The following SLC39A12 variants were observed in gnomAD, a reference collection of about 807,000 sequenced individuals.
SLC39A12 encodes the protein solute carrier family 39 member 12, also known as zinc transporter ZIP12.
A neutral mutation model predicts 71.1 loss-of-function variants in SLC39A12; 63 were observed. That is an observed-to-expected ratio of 0.89 (90% CI 0.72 to 1.09). SLC39A12 has a LOEUF of 1.09. Ranked by LOEUF, SLC39A12 falls within the 50% of genes least tolerant of loss-of-function variation. The pLI, the probability that SLC39A12 is intolerant of heterozygous loss-of-function variation, is 0.00. For missense variants in SLC39A12, 892 were observed against 812.6 expected (o/e 1.10, Z -1.19); for synonymous variants, 351 against 301.3 (o/e 1.16, Z -1.71).
chr10:18,036,422 C>T (rs1206109167), intron 12 of SLC39A12, among the ~76,000 whole-genome samples: 1 of 152,074 alleles, frequency 6.6e-6, no homozygotes, highest in Non-Finnish European at 1.5e-5. Flanking sequence ...CCAGGTGCGT[C>T]CGTCACCCCT....
Position 17,974,968 on chromosome 10 carries a change from G to A in SLC39A12, c.752-2934G>A, listed in dbSNP as rs145115758. Among the ~76,000 whole-genome samples the A allele has an allele frequency of 5.5e-3, 832 of 152,286 alleles. 2 individuals carry two copies. Among genetic ancestry groups the A allele is most frequent in the South Asian group, 0.017 (81 of 4,824 alleles). On this transcript the variant is annotated intron_variant, in intron 4 of 12. Coordinates refer to ENST00000377369, the MANE Select transcript of SLC39A12 (RefSeq NM_001145195.2). ...CCGTATTGCAGCTGAATTGGCACTC[G>A]AATCACAAGACGTAGTCCTTCTCAC...
chr10:17,953,141 C>T (rs1834446651), intron 1 of SLC39A12, 50 bp from the exon 2 acceptor site: 1 of 1,124,482 alleles, frequency 8.9e-7, no homozygotes, highest in Non-Finnish European at 1.3e-6. Context: ...TCCTTTCAAA[C>T]ATGTTGCAGG....
chr10:17,986,208 A>G (rs1041239305), intron 6 of SLC39A12, among the ~76,000 whole-genome samples: 4 of 152,228 alleles, frequency 2.6e-5, no homozygotes, highest in African/African-American at 9.6e-5. Flanking sequence ...TGTAGTTTCA[A>G]GTGAGAGAAA....
chr10:18,028,514 C>T (rs923921850), intron 12 of SLC39A12, among the ~76,000 whole-genome samples: 2 of 152,050 alleles, frequency 1.3e-5, no homozygotes, highest in East Asian at 1.9e-4. Context: ...GGACAAAATA[C>T]GAGTTCCAGA....
At chr10:17,983,659 A>G (rs553199074) in intron 6 of SLC39A12, among the ~76,000 whole-genome samples, 1 of 151,856 alleles carries the variant, frequency 6.6e-6, no homozygotes, top group Non-Finnish European at 1.5e-5. Context: ...GCGGGTGCCT[A>G]TAATCCCAGC....
chr10:17,967,186 A>G (rs1834848395), intron 4 of SLC39A12, among the ~76,000 whole-genome samples: 1 of 151,968 alleles, frequency 6.6e-6, no homozygotes, highest in Non-Finnish European at 1.5e-5. Flanking sequence ...GAGTTTGCTG[A>G]TTGCAGTCCT....
At chr10:18,029,311 G>A (rs985211929) in intron 12 of SLC39A12, among the ~76,000 whole-genome samples, 2 of 152,198 alleles carry the variant, frequency 1.3e-5, no homozygotes, top group African/African-American at 4.8e-5. Flanking sequence ...GGACTCTGCT[G>A]CATTTTAAGG....
chr10:17,977,753 G>C (rs1223304165), intron 4 of SLC39A12, 149 bp from the exon 5 acceptor site: 3 of 547,290 alleles, frequency 5.5e-6, no homozygotes, highest in Non-Finnish European at 9.0e-6. Flanking sequence ...GCATTTTCGT[G>C]GGTGGAAATG....
Position 17,967,915 on chromosome 10 carries a change from A to T in SLC39A12, c.751+2225A>T, listed in dbSNP as rs867337668. Among the ~76,000 whole-genome samples, 683 of 142,924 alleles carry T rather than the reference A, an allele frequency of 4.8e-3. 11 individuals are homozygous for T. Among genetic ancestry groups the T allele is most frequent in the African/African-American group, 0.016 (587 of 37,020 alleles). 93.8% of individuals were successfully genotyped at this position (142,924 alleles called of 152,430 possible). The stretch of plus-strand genomic sequence containing the variant: ...AAAAAAAAAATATATATATATATAT[A>T]TATTTATTTATTTATTTCCCTCACA... On this transcript the variant is annotated intron_variant, in intron 4 of 12. Transcript: ENST00000377369.
intron 10 of SLC39A12, among the ~76,000 whole-genome samples, chr10:17,999,548 A>G (rs944992519): frequency 6.6e-6 from 1 of 152,010 alleles, no homozygotes; most frequent in Admixed American, 6.6e-5. Context: ...ATGCTAACAT[A>G]CAATTTAGAA....
chr10:18,025,642 A>G (rs1212687907), intron 12 of SLC39A12, among the ~76,000 whole-genome samples: 1 of 152,162 alleles, frequency 6.6e-6, no homozygotes, highest in Non-Finnish European at 1.5e-5. Context: ...ATTGTTGGAC[A>G]TTTGGGTTGG....
intron 1 of SLC39A12, among the ~76,000 whole-genome samples, chr10:17,952,690 T>C (rs1554847259): frequency 2.0e-5 from 3 of 152,040 alleles, no homozygotes; most frequent in African/African-American, 7.2e-5. Flanking sequence ...GGTGTCACCA[T>C]ATTGGCCAGG....
intron 4 of SLC39A12, among the ~76,000 whole-genome samples, chr10:17,976,966 G>A (rs1835126213): frequency 6.6e-6 from 1 of 152,000 alleles, no homozygotes; most frequent in African/African-American, 2.4e-5. Context: ...ACAAGTCTGT[G>A]AACACTTGTT....
chr10:18,006,441 T>C (rs1397583050), intron 12 of SLC39A12, among the ~76,000 whole-genome samples: 1 of 152,236 alleles, frequency 6.6e-6, no homozygotes, highest in Non-Finnish European at 1.5e-5. Context: ...ATTAATGCTC[T>C]GTTATGAAGA....
At chr10:18,004,634 A>G (rs1019696960) in intron 12 of SLC39A12, among the ~76,000 whole-genome samples, 2 of 152,212 alleles carry the variant, frequency 1.3e-5, no homozygotes. Flanking sequence ...ATGTCCTTCC[A>G]TATTTAGAAA....
chr10:17,967,734 A>G (rs1252617438), intron 4 of SLC39A12, among the ~76,000 whole-genome samples: 1 of 151,634 alleles, frequency 6.6e-6, no homozygotes, highest in Non-Finnish European at 1.5e-5. Flanking sequence ...AATACAAAAA[A>G]AAATAAGCCA....
At chr10:18,029,287 A>G (rs1056199254) in intron 12 of SLC39A12, among the ~76,000 whole-genome samples, 48 of 152,208 alleles carry the variant, frequency 3.2e-4, no homozygotes, top group Admixed American at 2.9e-3. Flanking sequence ...CTCTGTGGAT[A>G]AGTCGTAGTT....
At chr10:17,973,336 T>C (rs1266799201) in intron 4 of SLC39A12, among the ~76,000 whole-genome samples, 1 of 152,152 alleles carries the variant, frequency 6.6e-6, no homozygotes, top group East Asian at 1.9e-4. Flanking sequence ...GTGAGTTTTT[T>C]ACCTTCAGGT....
At chr10:17,982,857 T>C (rs1232601496) in intron 6 of SLC39A12, among the ~76,000 whole-genome samples, 1 of 152,042 alleles carries the variant, frequency 6.6e-6, no homozygotes, top group Non-Finnish European at 1.5e-5. Context: ...TGGGGAATAG[T>C]CTTCCTGGGA....
Sources: allele counts gnomAD v4.1 joint callset (sites outside exome capture counted in the v4.1 genomes callset), GRCh38; gene constraint gnomAD v4.1.1; transcripts MANE v1.5; gene names NCBI Gene and HGNC (gene_info 2026-07-23, HGNC 2026-07-21).